The following SEC11A variants were observed in gnomAD, a reference collection of about 807,000 sequenced individuals.
SEC11A encodes SEC11 homolog A, signal peptidase complex subunit.
SEC11A carries 14 observed loss-of-function variants against 25.6 expected under a neutral mutation model. That is an observed-to-expected ratio of 0.55 (90% CI 0.36 to 0.85). The LOEUF is 0.85. Ranked by LOEUF, SEC11A falls within the 40% of genes least tolerant of loss-of-function variation. The pLI is 0.01. For missense variants in SEC11A, 153 were observed against 222.9 expected, an observed-to-expected ratio of 0.69 and a Z score of 2.00; for synonymous variants, 83 against 76.4, an observed-to-expected ratio of 1.09 and a Z score of -0.45.
intron 4 of SEC11A, among the ~76,000 whole-genome samples, chr15:84,674,849 C>T (rs1453337686): frequency 6.6e-6 from 1 of 152,174 alleles, no homozygotes; most frequent in African/African-American, 2.4e-5. Flanking sequence ...CGTGAGCCAC[C>T]ACACACAACC....
At position 84,693,756 on chromosome 15, in the gene SEC11A, C is replaced by T. The variant is rs139585090; in HGVS notation, c.52-2112G>A. 5.8e-3 allele frequency among the ~76,000 whole-genome samples: 881 copies of T among 152,088 alleles called. 3 individuals are homozygous for T. The highest frequency in any genetic ancestry group is 0.02 in the African/African-American group (819 of 41,500). On this transcript the variant is annotated intron_variant, in intron 1 of 5. Coordinates refer to ENST00000268220, the MANE Select transcript of SEC11A (RefSeq NM_014300.4). ...GATGACAGATGTGAGCCACTGTACC[C>T]GGCCTCTAATTTTCTTAAATTATGT...
rs1898387322 is a variant in SEC11A, at chr15:84,714,261, G to C, written c.51+1764C>G. Among the ~76,000 whole-genome samples, 5 of 152,224 alleles carry C rather than the reference G, an allele frequency of 3.3e-5. No homozygotes were observed. In the Middle Eastern group the frequency reaches 0.017, roughly 518 times the overall value. ...AATCTCTTGACATTGTGATCCGCCT[G>C]CCTCAGCCTCCCAAAGTGCTGGGAT... is the stretch of plus-strand genomic sequence containing the variant. On this transcript the variant is annotated intron_variant, in intron 1 of 5. Transcript: ENST00000268220.
At chr15:84,692,419 G>A (rs1897638294) in intron 1 of SEC11A, among the ~76,000 whole-genome samples, 1 of 152,058 alleles carries the variant, frequency 6.6e-6, no homozygotes, top group African/African-American at 2.4e-5. Flanking sequence ...TTACAGTTAA[G>A]GAAACTGTCT....
chr15:84,689,219 G>T (rs1252368585), intron 2 of SEC11A, among the ~76,000 whole-genome samples: 2 of 152,068 alleles, frequency 1.3e-5, no homozygotes, highest in African/African-American at 2.4e-5. Context: ...GCACACTCCA[G>T]TCTGGGCGAT....
intron 1 of SEC11A, among the ~76,000 whole-genome samples, chr15:84,711,456 T>G (rs1339637954): frequency 6.6e-6 from 1 of 151,456 alleles, no homozygotes; most frequent in Non-Finnish European, 1.5e-5. Flanking sequence ...TGGAACAAGC[T>G]TCCTAAATTT....
chr15:84,688,954 C>G (rs1897512243), intron 2 of SEC11A, among the ~76,000 whole-genome samples: 1 of 151,296 alleles, frequency 6.6e-6, no homozygotes, highest in African/African-American at 2.4e-5. Flanking sequence ...TCACTTGAAC[C>G]CAGGAGGTGG....
chr15:84,699,317 A>G (rs961360295), intron 1 of SEC11A, among the ~76,000 whole-genome samples: 1 of 57,796 alleles, frequency 1.7e-5, no homozygotes, highest in Non-Finnish European at 4.7e-5. Context: ...TCTTGTCTCC[A>G]AAAAAAAAAA....
Position 84,670,029 on chromosome 15 carries a change from T to C in SEC11A, c.530A>G (p.His177Arg), listed in dbSNP as rs2141861462. ...LFLLGLFVLV[H>R]RE is the part of the protein sequence containing the mutation. Reference sequence around the variant, plus strand: ...AGCAAGGCAGGCTTCTTACTCACGATGAACCAGCACGAATAAACCCAGCAA... The same window carrying C: ...AGCAAGGCAGGCTTCTTACTCACGACGAACCAGCACGAATAAACCCAGCAA... The change falls in exon 6 of 6, where the codon CAT (histidine) becomes CGT (arginine). Residue 177 changes from histidine to arginine, a missense_variant. By Grantham distance (29) the His-to-Arg change is conservative. Coordinates refer to ENST00000268220, the MANE Select transcript of SEC11A (RefSeq NM_014300.4). 6.2e-7 allele frequency: 1 copy of C among 1,613,708 alleles called. No homozygotes were observed. Among genetic ancestry groups the C allele is most frequent in the East Asian group, 2.2e-5 (1 of 44,884 alleles).
At chr15:84,699,316 CAAAA>C (rs35351608) in intron 1 of SEC11A, among the ~76,000 whole-genome samples, 1 of 89,078 alleles carries the variant, frequency 1.1e-5, no homozygotes, top group Admixed American at 1.3e-4. Flanking sequence ...CTCTTGTCTC[CAAAA>C]AAAAAAAAAA....
chr15:84,682,126 A>G (rs1897297465), intron 3 of SEC11A, among the ~76,000 whole-genome samples: 1 of 152,140 alleles, frequency 6.6e-6, no homozygotes, highest in Non-Finnish European at 1.5e-5. Flanking sequence ...TTGGCTATAT[A>G]TTAATCATCA....
intron 1 of SEC11A, among the ~76,000 whole-genome samples, chr15:84,703,638 C>G (rs1418675339): frequency 6.6e-6 from 1 of 152,152 alleles, no homozygotes; most frequent in East Asian, 1.9e-4. Context: ...TCAAGCGATA[C>G]AGCAGTTGTT....
At chr15:84,688,881 A>C (rs1402054375) in intron 2 of SEC11A, among the ~76,000 whole-genome samples, 1 of 152,076 alleles carries the variant, frequency 6.6e-6, no homozygotes, top group East Asian at 1.9e-4. Flanking sequence ...AAATACAAAA[A>C]TTAGGTGAGC....
intron 1 of SEC11A, 30 bp downstream of exon 1, chr15:84,715,995 C>T: frequency 6.2e-7 from 1 of 1,610,244 alleles, no homozygotes; most frequent in Non-Finnish European, 8.5e-7. Context: ...ACAAGAAGAG[C>T]CAGGAGAAAA....
chr15:84,693,461 T>C (rs1224781264), intron 1 of SEC11A, among the ~76,000 whole-genome samples: 1 of 4,052 alleles, frequency 2.5e-4, no homozygotes, highest in Non-Finnish European at 4.5e-4. Context: ...TTTTTTTCTC[T>C]TCTTTTTTTT....
Position 84,680,722 on chromosome 15 carries a change from C to A in SEC11A, c.422G>T (p.Arg141Ile). The A allele has an allele frequency of 6.2e-7, 1 of 1,611,232 alleles. No individual in the cohort carries two copies. Among genetic ancestry groups the A allele is most frequent in the Non-Finnish European group, 8.5e-7 (1 of 1,178,310 alleles). Residue 141 changes from arginine to isoleucine, a missense_variant, in exon 4 of 6, where the codon AGA (arginine) becomes ATA (isoleucine). Arg to Ile is a moderately conservative substitution (Grantham distance 97, BLOSUM62 -3). Coordinates refer to ENST00000268220, the MANE Select transcript of SEC11A (RefSeq NM_014300.4). ...TCCCCTCTATACTTACCCCCTGGCT[C>A]TCCCCACAACATCTTTTTTCTCTAG... ...HWLEKKDVVG[R>I]ARGFVPYIGI...
intron 4 of SEC11A, among the ~76,000 whole-genome samples, chr15:84,674,988 C>T (rs952220551): frequency 6.6e-6 from 1 of 152,148 alleles, no homozygotes; most frequent in South Asian, 2.1e-4. Context: ...CAAAGTCAAA[C>T]AAAAGATTTA....
chr15:84,689,140 G>A (rs1897523161), intron 2 of SEC11A, among the ~76,000 whole-genome samples: 1 of 152,034 alleles, frequency 6.6e-6, no homozygotes, highest in African/African-American at 2.4e-5. Context: ...AGGTTGAGGG[G>A]GGAGGATCAC....
intron 1 of SEC11A, among the ~76,000 whole-genome samples, chr15:84,697,868 T>G (rs1897813892): frequency 1.3e-5 from 2 of 152,200 alleles, no homozygotes; most frequent in Non-Finnish European, 2.9e-5. Context: ...CAGAATTGAA[T>G]AGCCTTATTA....
chr15:84,707,964 T>A (rs1898145947), intron 1 of SEC11A, among the ~76,000 whole-genome samples: 2 of 152,022 alleles, frequency 1.3e-5, no homozygotes, highest in African/African-American at 4.8e-5. Context: ...TCCCAGCACT[T>A]TGGGAGGCCA....
Sources: allele counts gnomAD v4.1 joint callset (sites outside exome capture counted in the v4.1 genomes callset), GRCh38; gene constraint gnomAD v4.1.1; transcripts MANE v1.5; gene names NCBI Gene and HGNC (gene_info 2026-07-23, HGNC 2026-07-21).